The following GLI3 variants were observed in gnomAD, a reference collection of about 807,000 sequenced individuals.
GLI3 encodes the protein transcription activator GLI3.
A neutral mutation model predicts 100.8 loss-of-function variants in GLI3; 20 were observed. That is an observed-to-expected ratio of 0.20 (90% CI 0.14 to 0.29). GLI3 has a LOEUF of 0.29. Among genes scored for constraint, GLI3 ranks in the 10% least tolerant of loss-of-function variants. GLI3 has a pLI of 1.00. For synonymous variants in GLI3, 938 were observed against 860.5 expected (o/e 1.09, Z -1.58); for missense variants, 2,040 against 2,128.5 (o/e 0.96, Z 0.82).
At chr7:42,167,877 A>C (rs1222958701) in intron 2 of GLI3, among the ~76,000 whole-genome samples, 1 of 152,226 alleles carries the variant, frequency 6.6e-6, no homozygotes, top group African/African-American at 2.4e-5. Flanking sequence ...ATTCTGCCAA[A>C]AGATCACACA....
chr7:42,065,402 T>C (rs1784654296), intron 4 of GLI3, among the ~76,000 whole-genome samples: 1 of 152,016 alleles, frequency 6.6e-6, no homozygotes, highest in South Asian at 2.1e-4. Context: ...ATTTTGCTTT[T>C]AAGACAGCTG....
At chr7:42,151,487 C>T (rs558582713) in intron 2 of GLI3, 1 of 152,282 alleles carries the variant, frequency 6.6e-6, no homozygotes, top group South Asian at 2.1e-4. Context: ...ACAGGCTACG[C>T]CAGGCCAAAT....
chr7:42,072,086 C>T (rs541780338), intron 4 of GLI3, among the ~76,000 whole-genome samples: 1 of 152,318 alleles, frequency 6.6e-6, no homozygotes, highest in Non-Finnish European at 1.5e-5. Flanking sequence ...TGGTGAAATG[C>T]AACAGCCTTT....
intron 2 of GLI3, among the ~76,000 whole-genome samples, chr7:42,196,027 G>C (rs1037592143): frequency 7.9e-5 from 12 of 152,112 alleles, no homozygotes; most frequent in Non-Finnish European, 1.5e-5. Context: ...GGTAAACAAC[G>C]TTAAACACAA....
chr7:42,248,883 A>G (rs116541045), intron 1 of GLI3, among the ~76,000 whole-genome samples: 5,193 of 151,550 alleles, frequency 0.034, 282 homozygotes, highest in African/African-American at 0.12. Context: ...CAACCTCCCT[A>G]GGCTCAGGTG....
At chr7:42,012,017 C>T (rs545015647) in intron 10 of GLI3, among the ~76,000 whole-genome samples, 23 of 152,316 alleles carry the variant, frequency 1.5e-4, no homozygotes, top group African/African-American at 3.4e-4. Flanking sequence ...TCTTCCTCCC[C>T]GACTTCCTGC....
intron 3 of GLI3, among the ~76,000 whole-genome samples, chr7:42,127,018 C>T (rs1005138413): frequency 6.6e-6 from 1 of 152,222 alleles, no homozygotes; most frequent in African/African-American, 2.4e-5. Context: ...CTCGATATGG[C>T]CTCCTCAACT....
At chr7:42,216,595 ACT>A (rs1214384154) in intron 2 of GLI3, among the ~76,000 whole-genome samples, 2 of 151,952 alleles carry the variant, frequency 1.3e-5, no homozygotes, top group Middle Eastern at 3.2e-3. Flanking sequence ...GTATATGAGA[ACT>A]CTCTGTGTCT....
At chr7:42,045,609 A>G (rs1784230784) in intron 5 of GLI3, 79 bp from the exon 6 acceptor site, 1 of 1,302,222 alleles carries the variant, frequency 7.7e-7, no homozygotes, top group African/African-American at 1.5e-5. Context: ...CTCAGAGTCC[A>G]TTACACAACC....
rs149860242 is a variant in GLI3, at chr7:41,965,068, C to T, written c.4005G>A (p.Pro1335=). Residue 1335 remains proline, a synonymous_variant, in exon 15 of 15, where the codon CCG becomes CCA. Transcript: ENST00000395925. ...TCTGCTGACCGGGGCGGCCTGCCCC[C>T]GGGTGCTGCATGCTGTCGCCGAGGA... The part of the protein sequence containing the change: ...HQLLGDSMQH[P]GAGRPGQQML... 7.3e-4 allele frequency: 1,184 copies of T among 1,613,844 alleles called. 3 individuals are homozygous for T. Among genetic ancestry groups the T allele is most frequent in the Middle Eastern group, 5.6e-3 (34 of 6,062 alleles).
chr7:42,011,664 G>C (rs887197910), intron 10 of GLI3, among the ~76,000 whole-genome samples: 2 of 152,096 alleles, frequency 1.3e-5, no homozygotes, highest in African/African-American at 4.8e-5. Flanking sequence ...TCGTACAAAA[G>C]GTCACATTTT....
At chr7:42,147,583 C>T (rs544264305) in intron 3 of GLI3, among the ~76,000 whole-genome samples, 8 of 152,184 alleles carry the variant, frequency 5.3e-5, no homozygotes, top group Non-Finnish European at 8.8e-5. Context: ...TATATTCTGC[C>T]GTTGGAGAAA....
intron 10 of GLI3, among the ~76,000 whole-genome samples, chr7:42,001,830 C>G (rs1035824963): frequency 6.6e-6 from 1 of 151,758 alleles, no homozygotes; most frequent in African/African-American, 2.4e-5. Flanking sequence ...TTGATAAAAG[C>G]AGAAAGAAAA....
intron 2 of GLI3, among the ~76,000 whole-genome samples, chr7:42,205,804 TA>T (rs1456384641): frequency 6.6e-6 from 1 of 152,220 alleles, no homozygotes; most frequent in Non-Finnish European, 1.5e-5. Flanking sequence ...CTTCTAAAGA[TA>T]AATGCAAAAT....
intron 2 of GLI3, among the ~76,000 whole-genome samples, chr7:42,174,376 T>C (rs1338518125): frequency 6.6e-6 from 1 of 152,208 alleles, no homozygotes; most frequent in Non-Finnish European, 1.5e-5. Flanking sequence ...AGAACTCTGA[T>C]TCAAAACTGG....
chr7:42,154,364 G>C (rs1162358977), intron 2 of GLI3, among the ~76,000 whole-genome samples: 1 of 152,146 alleles, frequency 6.6e-6, no homozygotes, highest in Non-Finnish European at 1.5e-5. Flanking sequence ...GGCTTTGTGT[G>C]TTCCAGGCAT....
intron 10 of GLI3, among the ~76,000 whole-genome samples, chr7:42,022,750 G>C (rs954817093): frequency 6.6e-6 from 1 of 152,150 alleles, no homozygotes; most frequent in East Asian, 1.9e-4. Flanking sequence ...CACTGGGAAG[G>C]GGGTATCACA....
chr7:42,090,195 A>C (rs922521329), intron 3 of GLI3, among the ~76,000 whole-genome samples: 3 of 152,220 alleles, frequency 2.0e-5, no homozygotes, highest in African/African-American at 7.2e-5. Context: ...GTAGGACTGG[A>C]AATTGCTCTG....
chr7:42,233,574 TA>T (rs997894658), intron 1 of GLI3, among the ~76,000 whole-genome samples: 107 of 152,058 alleles, frequency 7.0e-4, no homozygotes, highest in Non-Finnish European at 1.4e-3. Context: ...TATCAAAGTT[TA>T]AAAAAAATCA....
Sources: gnomAD v4.1 joint callset for allele counts (sites outside exome capture counted in the v4.1 genomes callset) on GRCh38, gnomAD v4.1.1 for gene constraint, MANE v1.5 for transcripts, NCBI Gene and HGNC (gene_info 2026-07-23, HGNC 2026-07-21) for gene names.